The following AHCYL2 variants were observed in gnomAD, a reference collection of about 807,000 sequenced individuals.
AHCYL2 encodes adenosylhomocysteinase like 2.
Under a neutral mutation model 81.4 loss-of-function variants are expected in AHCYL2, and 28 were observed. The observed-to-expected ratio is 0.34, with a 90% CI of 0.25 to 0.47. The LOEUF (loss-of-function observed/expected upper bound fraction) is 0.47. Among genes scored for constraint, AHCYL2 ranks in the 20% least tolerant of loss-of-function variants. The pLI, the probability that AHCYL2 is intolerant of heterozygous loss-of-function variation, is 1.00. For synonymous variants in AHCYL2, 272 were observed against 290.2 expected (o/e 0.94, Z 0.64); for missense variants, 551 against 785.1 (o/e 0.70, Z 3.56).
At chr7:129,391,080 C>T (rs577870062) in intron 4 of AHCYL2, among the ~76,000 whole-genome samples, 11 of 152,100 alleles carry the variant, frequency 7.2e-5, no homozygotes, top group Admixed American at 5.2e-4. Context: ...TTGAGGACAA[C>T]TATAGTAGAA....
intron 1 of AHCYL2, among the ~76,000 whole-genome samples, chr7:129,354,384 T>C (rs371090834): frequency 6.6e-6 from 1 of 152,190 alleles, no homozygotes; most frequent in Non-Finnish European, 1.5e-5. Context: ...AGTAATATAC[T>C]GAGAGTAAGG....
intron 1 of AHCYL2, among the ~76,000 whole-genome samples, chr7:129,319,081 A>G (rs1163749917): frequency 6.6e-6 from 1 of 152,230 alleles, no homozygotes; most frequent in African/African-American, 2.4e-5. Flanking sequence ...AAAAACAAGA[A>G]TAATCCAGTA....
At chr7:129,346,304 A>C (rs957384534) in intron 1 of AHCYL2, among the ~76,000 whole-genome samples, 1 of 152,176 alleles carries the variant, frequency 6.6e-6, no homozygotes, top group Non-Finnish European at 1.5e-5. Context: ...TCAGAGCCTC[A>C]GTTTTTTCAA....
chr7:129,409,392 A>C, intron 10 of AHCYL2, 84 bp from the exon 11 acceptor site: 1 of 996,936 alleles, frequency 1.0e-6, no homozygotes, highest in Non-Finnish European at 1.5e-6. Flanking sequence ...AATGACAGCA[A>C]CTTGATATTA....
intron 2 of AHCYL2, among the ~76,000 whole-genome samples, chr7:129,380,301 T>C (rs1192443519): frequency 6.6e-6 from 1 of 152,176 alleles, no homozygotes; most frequent in Admixed American, 6.5e-5. Flanking sequence ...GGGACTGAGT[T>C]ATCATTTAAT....
intron 12 of AHCYL2, among the ~76,000 whole-genome samples, chr7:129,415,988 G>A (rs1055312166): frequency 1.2e-4 from 19 of 152,018 alleles, no homozygotes; most frequent in African/African-American, 3.4e-4. Flanking sequence ...ACAGTGAGCC[G>A]CGATCACGCC....
intron 2 of AHCYL2, chr7:129,388,831 TAA>T: frequency 6.5e-6 from 3 of 462,118 alleles, no homozygotes; most frequent in Middle Eastern, 5.5e-4. Context: ...GTTCTGAAGA[TAA>T]AGTTAGCCCT....
intron 12 of AHCYL2, among the ~76,000 whole-genome samples, chr7:129,416,212 C>T (rs769902731): frequency 2.0e-5 from 3 of 152,042 alleles, no homozygotes; most frequent in Non-Finnish European, 4.4e-5. Flanking sequence ...ACATAAGTAA[C>T]CTCCTAGGAT....
At chr7:129,335,763 A>C (rs1025046604) in intron 1 of AHCYL2, among the ~76,000 whole-genome samples, 3 of 152,154 alleles carry the variant, frequency 2.0e-5, no homozygotes, top group Non-Finnish European at 4.4e-5. Flanking sequence ...GCTCTCTTCT[A>C]CCAGCGTGTC....
chr7:129,295,266 G>A (rs1797015067), intron 1 of AHCYL2, among the ~76,000 whole-genome samples: 1 of 152,230 alleles, frequency 6.6e-6, no homozygotes, highest in Non-Finnish European at 1.5e-5. Context: ...TGTGAAGCCA[G>A]AGCAATCTGG....
intron 12 of AHCYL2, among the ~76,000 whole-genome samples, chr7:129,421,664 TA>T (rs1214793122): frequency 6.6e-6 from 1 of 152,272 alleles, no homozygotes; most frequent in East Asian, 1.9e-4. Flanking sequence ...TCCACACCAT[TA>T]ATATAGTTCT....
At chr7:129,335,497 T>C (rs1798568962) in intron 1 of AHCYL2, among the ~76,000 whole-genome samples, 1 of 152,210 alleles carries the variant, frequency 6.6e-6, no homozygotes, top group African/African-American at 2.4e-5. Flanking sequence ...ATTTAGGGGC[T>C]TAAAGTAATC....
chr7:129,246,455 T>C (rs1172050755), intron 1 of AHCYL2, among the ~76,000 whole-genome samples: 2 of 152,232 alleles, frequency 1.3e-5, no homozygotes, highest in African/African-American at 4.8e-5. Context: ...CAGTCCCTGA[T>C]CCCACCCTCT....
chr7:129,328,777 T>C (rs1798317157), intron 1 of AHCYL2, among the ~76,000 whole-genome samples: 1 of 152,190 alleles, frequency 6.6e-6, no homozygotes, highest in Admixed American at 6.5e-5. Context: ...TGAGCCACCA[T>C]GCCCAGCCTG....
chr7:129,405,733 GA>G, intron 8 of AHCYL2, 102 bp from the exon 9 acceptor site: 2 of 1,116,730 alleles, frequency 1.8e-6, no homozygotes, highest in South Asian at 3.9e-5. Flanking sequence ...CTTTCAAAAT[GA>G]AAAACCAACC....
At chr7:129,359,250 T>A (rs1793849909) in intron 1 of AHCYL2, among the ~76,000 whole-genome samples, 1 of 152,188 alleles carries the variant, frequency 6.6e-6, no homozygotes, top group African/African-American at 2.4e-5. Flanking sequence ...AAAGACACCT[T>A]AAATATTTTA....
Position 129,426,451 on chromosome 7 carries a change from G to T in AHCYL2, c.1717G>T (p.Val573Leu). Residue 573 changes from valine to leucine, a missense_variant, in exon 16 of 17, where the codon GTG becomes TTG. Around this residue, in one of 2 missense-constraint regions of AHCYL2, gnomAD observed 316 missense variants for 543.1 expected, o/e 0.58. Coordinates refer to ENST00000325006, the MANE Select transcript of AHCYL2 (RefSeq NM_015328.4). The surrounding 1 kb of genome is among the most constrained non-coding windows in gnomAD (Gnocchi z 4.3). ...YLLPKKMDEY[V>L]ASLHLPTFDA... Reference sequence around the variant, plus strand: ...TCTGTGGTCTGTTCCAGATGAGTATGTGGCCAGCCTACACCTGCCTACCTT... The same window carrying T: ...TCTGTGGTCTGTTCCAGATGAGTATTTGGCCAGCCTACACCTGCCTACCTT... 1 of 1,614,114 alleles carries T rather than the reference G, an allele frequency of 6.2e-7. No individual in the cohort carries two copies. Among genetic ancestry groups the T allele is most frequent in the Non-Finnish European group, 8.5e-7 (1 of 1,179,982 alleles).
At chr7:129,404,536 G>T (rs1796206717) in intron 7 of AHCYL2, among the ~76,000 whole-genome samples, 1 of 152,164 alleles carries the variant, frequency 6.6e-6, no homozygotes, top group South Asian at 2.1e-4. Flanking sequence ...TTAGCTGAGT[G>T]TGGTGGCGGG....
intron 11 of AHCYL2, among the ~76,000 whole-genome samples, 172 bp from the exon 12 acceptor site, chr7:129,413,422 T>G (rs1297151774): frequency 6.6e-6 from 1 of 151,882 alleles, no homozygotes; most frequent in Non-Finnish European, 1.5e-5. Context: ...ATTACAGGCA[T>G]GAGCCACCGC....
Sources: gnomAD v4.1 joint callset for allele counts (sites outside exome capture counted in the v4.1 genomes callset) on GRCh38, gnomAD v4.1.1 for gene constraint, gnomAD v4.1.1 regional missense constraint, Gnocchi (gnomAD v3.1) non-coding constraint, MANE v1.5 for transcripts, NCBI Gene and HGNC (gene_info 2026-07-23, HGNC 2026-07-21) for gene names.